GRIK1: variants seen among roughly 807,000 people sequenced by gnomAD.
The protein encoded by GRIK1 is glutamate ionotropic receptor kainate type subunit 1, also known as glutamate receptor ionotropic, kainate 1.
Under a neutral mutation model 105.7 loss-of-function variants are expected in GRIK1, and 69 were observed. That is an observed-to-expected ratio of 0.65 (90% CI 0.54 to 0.80). GRIK1 has a LOEUF of 0.80. Ranked by LOEUF, GRIK1 falls within the 30% of genes least tolerant of loss-of-function variation. GRIK1 has a pLI of 0.00. For synonymous variants in GRIK1, 438 were observed against 431.3 expected (o/e 1.02, Z -0.19); for missense variants, 1,109 against 1,167.3 (o/e 0.95, Z 0.73).
At chr21:29,709,398 A>G (rs1023149322) in intron 1 of GRIK1, among the ~76,000 whole-genome samples, 5 of 150,492 alleles carry the variant, frequency 3.3e-5, no homozygotes, top group African/African-American at 9.8e-5. Flanking sequence ...CTCCTGTCTC[A>G]GCATCCCAAG....
rs560042967 is a variant in GRIK1 at position 29,716,401 on chromosome 21, G to T, written c.119-22338C>A. Among the ~76,000 whole-genome samples, 28 of 152,296 alleles carry T rather than the reference G, an allele frequency of 1.8e-4. No individual in the cohort carries two copies. The South Asian group carries it at 5.8e-3, about 32-fold the overall frequency. ...GAAAACAACAGGAAAATGTAGGAAA[G>T]TTAGAAACTTCCTAGAGACTTAGAG... On this transcript the variant is annotated intron_variant, in intron 1 of 17. Transcript: ENST00000327783.
chr21:29,684,805 C>T (rs976796867), intron 3 of GRIK1, among the ~76,000 whole-genome samples: 2 of 152,004 alleles, frequency 1.3e-5, no homozygotes, highest in South Asian at 4.1e-4. Context: ...CCACCACACC[C>T]GGCTGCAAAA....
chr21:29,861,406 A>C (rs907268825), intron 1 of GRIK1, among the ~76,000 whole-genome samples: 2 of 152,146 alleles, frequency 1.3e-5, no homozygotes, highest in South Asian at 4.1e-4. Flanking sequence ...CCTGGGCTCA[A>C]GTGATTCTCC....
chr21:29,561,611 C>T lies in GRIK1; in HGVS notation c.2356+13G>A, dbSNP rs747202149. 2.0e-6 allele frequency: 3 copies of T among 1,532,036 alleles called. No homozygotes were observed. Among genetic ancestry groups the T allele is most frequent in the Non-Finnish European group, 1.8e-6 (2 of 1,105,230 alleles). The allele number at this position is 1,532,036 out of a possible 1,614,324, so 94.9% of individuals were successfully genotyped here. A position where few individuals can be genotyped will look rare whatever the true frequency, so the allele number is the denominator to read the frequency against. On this transcript the variant is annotated intron_variant, in intron 15 of 17. Coordinates refer to ENST00000327783, the MANE Select transcript of GRIK1 (RefSeq NM_001330994.2). ...TCTGTATCTCAGTCTTGGTTCATGT[C>T]TACCCGTCTTACCAATAGGTGTTCC...
At chr21:29,814,529 A>G (rs1044630677) in intron 1 of GRIK1, among the ~76,000 whole-genome samples, 5 of 152,026 alleles carry the variant, frequency 3.3e-5, no homozygotes, top group African/African-American at 1.2e-4. Flanking sequence ...AGGATGCCCA[A>G]AGTTCACTAG....
intron 1 of GRIK1, among the ~76,000 whole-genome samples, chr21:29,801,283 TAAAAACCGC>T (rs1346920867): frequency 6.6e-6 from 1 of 151,494 alleles, no homozygotes; most frequent in Non-Finnish European, 1.5e-5. Context: ...CTTTTAATGG[TAAAAACCGC>T]AATTACTTTT....
At chr21:29,850,483 C>T (rs2068270610) in intron 1 of GRIK1, among the ~76,000 whole-genome samples, 1 of 152,164 alleles carries the variant, frequency 6.6e-6, no homozygotes, top group Non-Finnish European at 1.5e-5. Context: ...CAGATATCCT[C>T]TCCCCTGGCC....
Position 29,648,848 on chromosome 21 carries a change from C to T in GRIK1, c.954+2270G>A, listed in dbSNP as rs1027993543. Among the ~76,000 whole-genome samples, 5 of 152,210 alleles carry T rather than the reference C, an allele frequency of 3.3e-5. No individual in the cohort carries two copies. The East Asian group carries it at 7.7e-4, about 23-fold the overall frequency. On this transcript the variant is annotated intron_variant, in intron 6 of 17. Coordinates refer to ENST00000327783, the MANE Select transcript of GRIK1 (RefSeq NM_001330994.2). ...AGCCTGGATAAGTGAGACTTCAAGG[C>T]AGGGGGACAGCAAGTGCTTGATGTG...
chr21:29,629,949 C>T (rs986865995), intron 7 of GRIK1, among the ~76,000 whole-genome samples: 2 of 151,988 alleles, frequency 1.3e-5, no homozygotes, highest in South Asian at 2.1e-4. Context: ...TGTTGGACAC[C>T]GTGGATTTGC....
intron 16 of GRIK1, chr21:29,553,453 G>A (rs2090170802): frequency 2.1e-6 from 3 of 1,424,780 alleles, no homozygotes; most frequent in African/African-American, 2.9e-5. Context: ...TAAAGGAATA[G>A]AGAATTGTGG....
At chr21:29,586,258 T>A (rs545372805) in intron 12 of GRIK1, among the ~76,000 whole-genome samples, 1 of 152,352 alleles carries the variant, frequency 6.6e-6, no homozygotes, top group Non-Finnish European at 1.5e-5. Context: ...AACATTCATT[T>A]CATATTGAAT....
At chr21:29,553,640 G>A in intron 16 of GRIK1, 1 of 1,608,346 alleles carries the variant, frequency 6.2e-7, no homozygotes, top group Non-Finnish European at 8.5e-7. Context: ...AGATAAAGTA[G>A]TTCCAGAAGT....
chr21:29,761,514 A>G (rs1052171444), intron 1 of GRIK1: 1 of 152,208 alleles, frequency 6.6e-6, no homozygotes, highest in African/African-American at 2.4e-5. Context: ...TCAACAAGAA[A>G]ACCAATTCTG....
At chr21:29,918,964 G>C (rs1323586218) in intron 1 of GRIK1, among the ~76,000 whole-genome samples, 1 of 151,796 alleles carries the variant, frequency 6.6e-6, no homozygotes, top group Non-Finnish European at 1.5e-5. Context: ...ACAGGCGAAG[G>C]GGAAGGCAAG....
At chr21:29,563,351 C>G (rs2090531489) in intron 14 of GRIK1, among the ~76,000 whole-genome samples, 1 of 152,112 alleles carries the variant, frequency 6.6e-6, no homozygotes, top group South Asian at 2.1e-4. Context: ...TAGGGGAGGA[C>G]AGATGGCTTT....
intron 1 of GRIK1, among the ~76,000 whole-genome samples, chr21:29,891,867 T>A (rs1168700769): frequency 6.6e-6 from 1 of 152,154 alleles, no homozygotes; most frequent in African/African-American, 2.4e-5. Context: ...AATGTACAAA[T>A]ACAGTTTTGA....
At chr21:29,900,281 A>G (rs1052168386) in intron 1 of GRIK1, among the ~76,000 whole-genome samples, 5 of 151,940 alleles carry the variant, frequency 3.3e-5, no homozygotes, top group Admixed American at 6.6e-5. Context: ...CACACATAAG[A>G]ATATTAACCT....
At chr21:29,848,779 A>ATATATATATATATTTTTTTTT in intron 1 of GRIK1, among the ~76,000 whole-genome samples, 20 of 77,864 alleles carry the variant, frequency 2.6e-4, no homozygotes, top group African/African-American at 1.1e-3. Context: ...ATATATATAT[A>ATATATATATATATTTTTTTTT]TTTTTTTTTT....
intron 1 of GRIK1, among the ~76,000 whole-genome samples, chr21:29,708,552 A>G (rs530738669): frequency 1.3e-5 from 2 of 152,254 alleles, no homozygotes; most frequent in South Asian, 4.2e-4. Flanking sequence ...TGTACCTAAC[A>G]TGGGGTTGGT....
Sources: gnomAD v4.1 joint callset for allele counts (sites outside exome capture counted in the v4.1 genomes callset) on GRCh38, gnomAD v4.1.1 for gene constraint, MANE v1.5 for transcripts, NCBI Gene and HGNC (gene_info 2026-07-23, HGNC 2026-07-21) for gene names.